Variants in PARD3 observed in about 807,000 individuals in gnomAD.
PARD3 encodes partitioning defective 3 homolog.
Under a neutral mutation model 155.4 loss-of-function variants are expected in PARD3, and 75 were observed. That is an observed-to-expected ratio of 0.48 (90% CI 0.40 to 0.58). The LOEUF (loss-of-function observed/expected upper bound fraction) is 0.58. Ranked by LOEUF, PARD3 falls within the 20% of genes least tolerant of loss-of-function variation. The probability of loss-of-function intolerance (pLI) is 0.00; values close to 1 mark genes in which losing one functional copy is unlikely to be tolerated. For synonymous variants in PARD3, 576 were observed against 610.5 expected, an observed-to-expected ratio of 0.94 and a Z score of 0.83; for missense variants, 1,642 against 1,721.7, an observed-to-expected ratio of 0.95 and a Z score of 0.82.
chr10:34,452,109 T>C (rs1329682079), intron 4 of PARD3, among the ~76,000 whole-genome samples: 1 of 152,164 alleles, frequency 6.6e-6, no homozygotes, highest in Admixed American at 6.5e-5. Flanking sequence ...AATGCAAGTA[T>C]AACTTTTATG....
intron 1 of PARD3, among the ~76,000 whole-genome samples, chr10:34,716,022 T>G (rs1005534267): frequency 6.6e-6 from 1 of 152,226 alleles, no homozygotes; most frequent in Non-Finnish European, 1.5e-5. Flanking sequence ...TCTGGTCAGT[T>G]TCAAATACAG....
chr10:34,556,266 C>T (rs1285669735), intron 2 of PARD3, among the ~76,000 whole-genome samples: 1 of 152,156 alleles, frequency 6.6e-6, no homozygotes. Flanking sequence ...CTAAATTAAT[C>T]TGGCTTTTGT....
chr10:34,176,957 G>C (rs1397459612), intron 22 of PARD3, among the ~76,000 whole-genome samples: 1 of 151,712 alleles, frequency 6.6e-6, no homozygotes, highest in African/African-American at 2.4e-5. Context: ...TTGTGTGTGT[G>C]TGTGTGTGTG....
chr10:34,302,350 A>C (rs754384080), intron 20 of PARD3, among the ~76,000 whole-genome samples: 1 of 152,196 alleles, frequency 6.6e-6, no homozygotes, highest in Non-Finnish European at 1.5e-5. Flanking sequence ...AGGAGTTCTA[A>C]AATGCTTTGT....
chr10:34,337,328 G>A lies in PARD3; in HGVS notation c.2507C>T (p.Ala836Val). 6.3e-7 allele frequency: 1 copy of A among 1,599,714 alleles called. No homozygotes were observed. The highest frequency in any genetic ancestry group is 1.1e-5 in the South Asian group (1 of 89,216). The change falls in exon 17 of 25, where the codon GCC becomes GTC. Residue 836 changes from alanine to valine, a missense_variant. By Grantham distance (64) the Ala-to-Val change is moderately conservative (BLOSUM62 0). Around this residue, in one of 3 missense-constraint regions of PARD3, gnomAD observed 1,529 missense variants for 1,587.3 expected, o/e 0.96. Coordinates refer to ENST00000374788, the MANE Select transcript of PARD3 (RefSeq NM_001184785.2). Reference protein sequence around the residue: ...SEKRTKQFSDASQLDFVKTRK... With the variant: ...SEKRTKQFSDVSQLDFVKTRK... ...TGTTTTAACGAAATCCAATTGACTG[G>A]CATCTGAAAATTGCTTTGTGCGTTT...
Position 34,269,395 on chromosome 10 carries a change from A to G in PARD3, c.3419+262T>C, listed in dbSNP as rs535329967. On this transcript the variant is annotated intron_variant, in intron 22 of 24. Coordinates refer to ENST00000374788, the MANE Select transcript of PARD3 (RefSeq NM_001184785.2). The stretch of plus-strand genomic sequence containing the variant: ...TTGCTTTTTATTTGAGTTATAAAGT[A>G]GAGGTTGGTTCTCAGGTATAAAACC... Among the ~76,000 whole-genome samples, 6 of 152,338 alleles carry G rather than the reference A, an allele frequency of 3.9e-5. No individual in the cohort carries two copies. The East Asian group carries it at 1.2e-3, about 29-fold the overall frequency.
intron 2 of PARD3, among the ~76,000 whole-genome samples, chr10:34,566,846 T>C (rs1214290341): frequency 6.6e-6 from 1 of 152,204 alleles, no homozygotes; most frequent in Non-Finnish European, 1.5e-5. Context: ...CCAATATTGC[T>C]TAAAGATAAG....
intron 2 of PARD3, chr10:34,675,849 TCACACA>T: frequency 5.0e-6 from 1 of 198,158 alleles, no homozygotes; most frequent in Non-Finnish European, 1.1e-5. Flanking sequence ...TCCACCAACT[TCACACA>T]CACACACACG....
intron 2 of PARD3, among the ~76,000 whole-genome samples, chr10:34,570,962 C>A (rs2086342716): frequency 6.6e-6 from 1 of 152,116 alleles, no homozygotes; most frequent in Non-Finnish European, 1.5e-5. Flanking sequence ...TACTCTCCTG[C>A]AACAACATGT....
intron 1 of PARD3, among the ~76,000 whole-genome samples, chr10:34,706,405 T>TC (rs1026495606): frequency 1.3e-5 from 2 of 152,052 alleles, no homozygotes; most frequent in African/African-American, 2.4e-5. Flanking sequence ...CCACAGCCCC[T>TC]CCTCCCAGCC....
At chr10:34,384,808 CA>C (rs1366255970) in intron 7 of PARD3, among the ~76,000 whole-genome samples, 1 of 152,138 alleles carries the variant, frequency 6.6e-6, no homozygotes, top group East Asian at 1.9e-4. Context: ...TTGTGAATTT[CA>C]AAACCTGTCA....
intron 4 of PARD3, among the ~76,000 whole-genome samples, chr10:34,458,662 T>C (rs1041355702): frequency 2.0e-5 from 3 of 152,204 alleles, no homozygotes; most frequent in African/African-American, 7.2e-5. Flanking sequence ...TTATCTTCTT[T>C]ATCCTGGGAA....
intron 4 of PARD3, among the ~76,000 whole-genome samples, chr10:34,456,680 ATCC>A (rs2077359276): frequency 6.6e-6 from 1 of 152,230 alleles, no homozygotes; most frequent in African/African-American, 2.4e-5. Context: ...CAAATTAACT[ATCC>A]AACAAATTAA....
At chr10:34,725,105 TTGTG>T (rs71033342) in intron 1 of PARD3, among the ~76,000 whole-genome samples, 9,772 of 135,762 alleles carry the variant, frequency 0.072, 439 homozygotes, top group African/African-American at 0.13. Flanking sequence ...AGTCAAAACT[TTGTG>T]TGTGTGTGTG....
At chr10:34,252,104 CAG>C (rs1954346709) in intron 22 of PARD3, among the ~76,000 whole-genome samples, 1 of 152,126 alleles carries the variant, frequency 6.6e-6, no homozygotes, top group African/African-American at 2.4e-5. Context: ...GGAAGGGAGT[CAG>C]GGTGTGCTGG....
intron 22 of PARD3, among the ~76,000 whole-genome samples, chr10:34,217,935 G>A (rs1952084054): frequency 6.6e-6 from 1 of 152,178 alleles, no homozygotes; most frequent in African/African-American, 2.4e-5. Context: ...GTCATGAAGA[G>A]TGACAGTGGG....
At chr10:34,608,692 G>A (rs1377295030) in intron 2 of PARD3, among the ~76,000 whole-genome samples, 6 of 151,730 alleles carry the variant, frequency 4.0e-5, no homozygotes, top group African/African-American at 7.3e-5. Context: ...CTGCCACCAC[G>A]CTCGCCTAAT....
chr10:34,795,760 G>A (rs770371669), intron 1 of PARD3, among the ~76,000 whole-genome samples: 91 of 152,124 alleles, frequency 6.0e-4, no homozygotes, highest in Non-Finnish European at 9.6e-4. Flanking sequence ...CAGGCGTGGT[G>A]GTGCATGCCT....
At chr10:34,777,538 G>C (rs1479286940) in intron 1 of PARD3, among the ~76,000 whole-genome samples, 1 of 151,992 alleles carries the variant, frequency 6.6e-6, no homozygotes, top group African/African-American at 2.4e-5. Flanking sequence ...TAGACATTTG[G>C]ATAATTTTTA....
Sources: gnomAD v4.1 joint callset for allele counts (sites outside exome capture counted in the v4.1 genomes callset) on GRCh38, gnomAD v4.1.1 for gene constraint, gnomAD v4.1.1 regional missense constraint, MANE v1.5 for transcripts, NCBI Gene and HGNC (gene_info 2026-07-23, HGNC 2026-07-21) for gene names.